MTM1: variants seen among roughly 807,000 people sequenced by gnomAD.
MTM1 encodes myotubularin.
MTM1 carries 9 observed loss-of-function variants against 52.1 expected under a neutral mutation model. The ratio of observed to expected loss-of-function variants is 0.17; its 90% confidence interval spans 0.10 to 0.30. The LOEUF (loss-of-function observed/expected upper bound fraction) is 0.30. Among genes scored for constraint, MTM1 ranks in the 10% least tolerant of loss-of-function variants. The pLI, the probability that MTM1 is intolerant of heterozygous loss-of-function variation, is 1.00. For missense variants in MTM1, 277 were observed against 470.7 expected, an observed-to-expected ratio of 0.59 and a Z score of 3.81; for synonymous variants, 136 against 163.8, an observed-to-expected ratio of 0.83 and a Z score of 1.29.
At chrX:150,600,265 A>G (rs1037725199) in intron 4 of MTM1, among the ~76,000 whole-genome samples, 2 of 112,030 alleles carry the variant, frequency 1.8e-5, no homozygotes, top group Admixed American at 9.5e-5. Flanking sequence ...AGGGTTTGAA[A>G]TGATCTTAAC....
chrX:150,633,680 C>A (rs782498912), intron 6 of MTM1, among the ~76,000 whole-genome samples: 3 of 100,951 alleles, frequency 3.0e-5, no homozygotes, highest in African/African-American at 1.1e-4. Flanking sequence ...AAATCAAATT[C>A]AAAAAAAAAA....
intron 9 of MTM1, among the ~76,000 whole-genome samples, chrX:150,648,100 C>CT (rs1415962151): frequency 9.0e-6 from 1 of 111,444 alleles, no homozygotes; most frequent in Admixed American, 9.5e-5. Context: ...TATTTATTAG[C>CT]TAATAACTTT....
At chrX:150,671,160 A>G (rs782053958) in intron 14 of MTM1, among the ~76,000 whole-genome samples, 112 of 111,429 alleles carry the variant, frequency 1.0e-3, no homozygotes, top group Non-Finnish European at 1.7e-3. Context: ...CTCGGCTGAC[A>G]CATTTTCAAA....
At position 150,669,816 on chromosome X, in the gene MTM1, A is replaced by G. The variant is rs782011763; in HGVS notation, c.1645-1612A>G. ...GATTGCAAAAATTTTCTCTTATTCTATAGATTGCCTGTTCACTCTGATGCT... is the reference window on the plus strand; with the variant it reads ...GATTGCAAAAATTTTCTCTTATTCTGTAGATTGCCTGTTCACTCTGATGCT... On this transcript the variant is annotated intron_variant, in intron 14 of 14. Coordinates refer to ENST00000370396, the MANE Select transcript of MTM1 (RefSeq NM_000252.3). Among the ~76,000 whole-genome samples, 19 of 111,989 alleles carry G rather than the reference A, an allele frequency of 1.7e-4. No individual in the cohort carries two copies. In the South Asian group the frequency reaches 6.2e-3, roughly 37 times the overall value.
intron 1 of MTM1, among the ~76,000 whole-genome samples, chrX:150,586,740 C>G (rs2038793217): frequency 9.1e-6 from 1 of 109,767 alleles, no homozygotes; most frequent in South Asian, 3.9e-4. Flanking sequence ...GTGGCGAAAT[C>G]CTGTCGCTAC....
intron 5 of MTM1, among the ~76,000 whole-genome samples, chrX:150,618,677 A>G (rs951684426): frequency 1.8e-5 from 2 of 111,605 alleles, no homozygotes; most frequent in East Asian, 5.6e-4. Flanking sequence ...AATAAAATAA[A>G]TTTTAAAAAA....
chrX:150,575,194 G>A (rs782706491), intron 1 of MTM1, among the ~76,000 whole-genome samples: 1 of 112,491 alleles, frequency 8.9e-6, no homozygotes, highest in Non-Finnish European at 1.9e-5. Context: ...TTCTTCTCTG[G>A]CTTTTCAGAG....
intron 1 of MTM1, among the ~76,000 whole-genome samples, chrX:150,570,523 C>T (rs1557411413): frequency 9.0e-6 from 1 of 111,287 alleles, no homozygotes; most frequent in African/African-American, 3.3e-5. Context: ...CCCCCCACCC[C>T]GACATGCAAA....
chrX:150,653,811 A>G (rs1311102985), intron 10 of MTM1, among the ~76,000 whole-genome samples: 3 of 112,255 alleles, frequency 2.7e-5, no homozygotes, highest in Non-Finnish European at 5.6e-5. Context: ...CTCTTCCCCT[A>G]TAGTCCTGCT....
intron 14 of MTM1, among the ~76,000 whole-genome samples, chrX:150,665,489 T>A (rs1557414891): frequency 8.9e-6 from 1 of 112,800 alleles, no homozygotes; most frequent in Non-Finnish European, 1.9e-5. Context: ...TTAAATCGCA[T>A]AGGACTTTTA....
chrX:150,577,613 C>A (rs1254113837), intron 1 of MTM1, among the ~76,000 whole-genome samples: 1 of 112,149 alleles, frequency 8.9e-6, no homozygotes, highest in Non-Finnish European at 1.9e-5. Context: ...TTGCCCATTT[C>A]TTATTAAATT....
At chrX:150,645,282 T>C (rs1603192153) in intron 8 of MTM1, among the ~76,000 whole-genome samples, 4 of 112,311 alleles carry the variant, frequency 3.6e-5, no homozygotes, top group African/African-American at 1.3e-4. Context: ...GTTGGTATTA[T>C]GAGAAACATA....
chrX:150,583,897 G>GATAT (rs551009399), intron 1 of MTM1, among the ~76,000 whole-genome samples: 4 of 37,371 alleles, frequency 1.1e-4, no homozygotes, highest in Non-Finnish European at 1.5e-4. Flanking sequence ...ATATATATTT[G>GATAT]ATATATATAT....
chrX:150,607,672 C>T lies in MTM1; in HGVS notation c.232-6917C>T, dbSNP rs782333708. Among the ~76,000 whole-genome samples, 6 of 111,675 alleles carry T rather than the reference C, an allele frequency of 5.4e-5. No individual in the cohort carries two copies. The South Asian group carries it at 2.3e-3, about 42-fold the overall frequency. ...ATTATTTTCCCCAGAGTTCTGTCCT[C>T]ACCCTCTTTTTTCTCCATTGTCAGT... On this transcript the variant is annotated intron_variant, in intron 4 of 14. Coordinates refer to ENST00000370396, the MANE Select transcript of MTM1 (RefSeq NM_000252.3).
At chrX:150,670,500 G>A (rs189793982) in intron 14 of MTM1, among the ~76,000 whole-genome samples, 1 of 112,189 alleles carries the variant, frequency 8.9e-6, no homozygotes, top group East Asian at 2.8e-4. Context: ...GTATTCAGAT[G>A]GGCAATAAGC....
intron 14 of MTM1, among the ~76,000 whole-genome samples, chrX:150,669,585 A>G (rs1277211112): frequency 2.7e-5 from 3 of 111,837 alleles, no homozygotes; most frequent in Non-Finnish European, 5.6e-5. Context: ...ATGGTATCTC[A>G]CTGCGGTTTT....
intron 6 of MTM1, 67 bp from the exon 7 acceptor site, chrX:150,638,876 A>G (rs1233077970): frequency 9.5e-6 from 8 of 838,085 alleles, no homozygotes; most frequent in African/African-American, 2.0e-5. Context: ...GCGAGAAATC[A>G]AAAGATGTAC....
chrX:150,669,096 T>G (rs2040354109), intron 14 of MTM1, among the ~76,000 whole-genome samples: 1 of 110,939 alleles, frequency 9.0e-6, no homozygotes, highest in Admixed American at 9.6e-5. Flanking sequence ...GTTCTCAATG[T>G]TCACCTCCCA....
At chrX:150,614,536 T>C in intron 4 of MTM1, 53 bp from the exon 5 acceptor site, 1 of 721,274 alleles carries the variant, frequency 1.4e-6, no homozygotes, top group South Asian at 2.2e-5. Flanking sequence ...TGTTTTTTGA[T>C]GTTTTAATTA....
Sources: allele counts gnomAD v4.1 joint callset (sites outside exome capture counted in the v4.1 genomes callset), GRCh38; gene constraint gnomAD v4.1.1; transcripts MANE v1.5; gene names NCBI Gene and HGNC (gene_info 2026-07-23, HGNC 2026-07-21).